The following HTRA1 variants were observed in gnomAD, a reference collection of about 807,000 sequenced individuals.
HTRA1 encodes HtrA serine peptidase 1, also known as serine protease HTRA1.
HTRA1 carries 26 observed loss-of-function variants against 49.7 expected under a neutral mutation model. That is an observed-to-expected ratio of 0.52 (90% CI 0.38 to 0.73). The LOEUF (loss-of-function observed/expected upper bound fraction) is 0.73, where lower values mean the gene tolerates loss of function less well. Ranked by LOEUF, HTRA1 falls within the 30% of genes least tolerant of loss-of-function variation. HTRA1 has a pLI of 0.00. For synonymous variants in HTRA1, 291 were observed against 286.9 expected (o/e 1.01, Z -0.14); for missense variants, 561 against 667.2 (o/e 0.84, Z 1.75).
At position 122,497,058 on chromosome 10, in the gene HTRA1, G is replaced by A. The variant is rs536767322; in HGVS notation, c.777+7432G>A. On this transcript the variant is annotated intron_variant, in intron 3 of 8. Coordinates refer to ENST00000368984, the MANE Select transcript of HTRA1 (RefSeq NM_002775.5). ...GCAGTTCCGTAGCTGGTTTCCTAAA[G>A]CCATCCAGATCTCTTTCTGTGGCAA... Among the ~76,000 whole-genome samples the A allele has an allele frequency of 1.8e-4, 27 of 152,300 alleles. No individual in the cohort carries two copies. The South Asian group carries it at 2.7e-3, about 15-fold the overall frequency.
intron 1 of HTRA1, among the ~76,000 whole-genome samples, chr10:122,486,712 G>A (rs957542211): frequency 6.6e-6 from 1 of 151,976 alleles, no homozygotes; most frequent in Non-Finnish European, 1.5e-5. Context: ...GCCTGGGGAA[G>A]GGTTGCCACT....
At chr10:122,462,146 C>T in intron 1 of HTRA1, 22 bp downstream of exon 1, 1 of 1,507,114 alleles carries the variant, frequency 6.6e-7, no homozygotes, top group Non-Finnish European at 8.9e-7. Context: ...CGCTCCTGGG[C>T]AGCTCCCCAC....
intron 5 of HTRA1, 111 bp from the exon 6 acceptor site, chr10:122,508,545 A>T: frequency 1.2e-6 from 1 of 813,996 alleles, no homozygotes; most frequent in East Asian, 2.5e-5. Flanking sequence ...GCATCTCCCC[A>T]CTTCGATCTC....
intron 1 of HTRA1, among the ~76,000 whole-genome samples, chr10:122,480,610 A>G (rs1393629243): frequency 6.6e-6 from 1 of 152,134 alleles, no homozygotes; most frequent in East Asian, 1.9e-4. Flanking sequence ...CATGTCCTAT[A>G]GGCATAGCTC....
chr10:122,463,982 C>A (rs1412003395), intron 1 of HTRA1, among the ~76,000 whole-genome samples: 2 of 152,208 alleles, frequency 1.3e-5, no homozygotes, highest in Non-Finnish European at 2.9e-5. Context: ...AAGAGGCTGG[C>A]TGTGCCCCGT....
chr10:122,497,396 A>C (rs2133443394), intron 3 of HTRA1, among the ~76,000 whole-genome samples: 1 of 152,368 alleles, frequency 6.6e-6, no homozygotes, highest in Middle Eastern at 3.4e-3. Flanking sequence ...TCTGAAAAGA[A>C]TGCTACATCC....
rs2133439065 is a variant in HTRA1 at position 122,490,023 on chromosome 10, T to G, written c.777+397T>G. 6.6e-6 allele frequency among the ~76,000 whole-genome samples: 1 copy of G among 152,262 alleles called. No homozygotes were observed. Among genetic ancestry groups the G allele is most frequent in the Admixed American group, 6.5e-5 (1 of 15,292 alleles). The stretch of plus-strand genomic sequence containing the variant: ...CACAATGAACATAGAATTTACTGGG[T>G]TTTAGACTGAGCCATCCTTAACTTG... On this transcript the variant is annotated intron_variant, in intron 3 of 8. Transcript: ENST00000368984. The surrounding 1 kb of genome is among the most constrained non-coding windows in gnomAD (Gnocchi z 4.2).
intron 1 of HTRA1, among the ~76,000 whole-genome samples, chr10:122,469,023 C>T (rs1265471332): frequency 6.6e-6 from 1 of 152,160 alleles, no homozygotes; most frequent in Non-Finnish European, 1.5e-5. Flanking sequence ...GCTGGTCCCT[C>T]GCCACAGGAT....
chr10:122,512,054 C>T lies in HTRA1; in HGVS notation c.1263C>T (p.Thr421=), dbSNP rs765723570. The T allele has an allele frequency of 2.5e-6, 4 of 1,609,758 alleles. No individual in the cohort carries two copies. The South Asian group carries it at 4.4e-5, about 18-fold the overall frequency. ...ATATAATTGAAGTAATTCCTGATAC[C>T]CCAGCAGAAGCGTGAGTTGGAGTCG... ...GAYIIEVIPD[T]PAEAGGLKEN... Residue 421 remains threonine, a synonymous_variant, in exon 8 of 9, where the codon ACC becomes ACT. Coordinates refer to ENST00000368984, the MANE Select transcript of HTRA1 (RefSeq NM_002775.5).
At chr10:122,468,700 G>A (rs1436917430) in intron 1 of HTRA1, among the ~76,000 whole-genome samples, 1 of 152,144 alleles carries the variant, frequency 6.6e-6, no homozygotes, top group African/African-American at 2.4e-5. Flanking sequence ...ACCAGTGTGT[G>A]GCTTCTCTTG....
chr10:122,462,025 A>T lies in HTRA1; in HGVS notation c.373A>T (p.Thr125Ser). The change falls in exon 1 of 9, where the codon ACC (threonine) becomes TCC (serine). Residue 125 changes from threonine to serine, a missense_variant. By Grantham distance (58) the Thr-to-Ser change is moderately conservative (BLOSUM62 1). Transcript: ENST00000368984. ...SEPVCGSDAN[T>S]YANLCQLRAA... ...GCCGGTGTGCGGCAGCGACGCCAAC[A>T]CCTACGCCAACCTGTGCCAGCTGCG... The T allele has an allele frequency of 6.5e-7, 1 of 1,532,210 alleles. No individual in the cohort carries two copies. The highest frequency in any genetic ancestry group is 1.2e-5 in the South Asian group (1 of 83,848). The allele number at this position is 1,532,210 out of a possible 1,614,324, so 94.9% of individuals were successfully genotyped here. A position where few individuals can be genotyped will look rare whatever the true frequency, so the allele number is the denominator to read the frequency against.
In HTRA1 at chr10:122,461,835, G is replaced by C. The variant is rs1192436309; in HGVS notation, c.183G>C (p.Ala61=). 4.4e-6 allele frequency: 5 copies of C among 1,134,638 alleles called. No homozygotes were observed. The African/African-American group carries it at 8.3e-5, about 19-fold the overall frequency. The allele number at this position is 1,134,638 out of a possible 1,614,324, so 70.3% of individuals were successfully genotyped here. Residue 61 remains alanine, a synonymous_variant, in exon 1 of 9, where the codon GCG becomes GCC. Coordinates refer to ENST00000368984, the MANE Select transcript of HTRA1 (RefSeq NM_002775.5). The part of the protein sequence containing the change: ...EHCEGGRARD[A]CGCCEVCGAP... Reference sequence around the variant, plus strand: ...GCGAGGGCGGCCGGGCCCGGGACGCGTGCGGCTGCTGCGAGGTGTGCGGCG... The same window carrying C: ...GCGAGGGCGGCCGGGCCCGGGACGCCTGCGGCTGCTGCGAGGTGTGCGGCG...
At chr10:122,488,222 T>C (rs982108781) in intron 1 of HTRA1, among the ~76,000 whole-genome samples, 1 of 152,110 alleles carries the variant, frequency 6.6e-6, no homozygotes, top group African/African-American at 2.4e-5. Context: ...TGCTTCTTTG[T>C]AATGGTGGGG....
chr10:122,485,572 G>A (rs941420812), intron 1 of HTRA1, among the ~76,000 whole-genome samples: 3 of 152,196 alleles, frequency 2.0e-5, no homozygotes, highest in Non-Finnish European at 4.4e-5. Flanking sequence ...GTGGACTGAG[G>A]CTGGAACTGG....
chr10:122,482,549 T>G (rs2097491448), intron 1 of HTRA1, among the ~76,000 whole-genome samples: 1 of 152,166 alleles, frequency 6.6e-6, no homozygotes. Flanking sequence ...GATTTTGGCT[T>G]CTTCCTGCCT....
chr10:122,509,612 A>G (rs1165889588), intron 6 of HTRA1, among the ~76,000 whole-genome samples: 5 of 152,186 alleles, frequency 3.3e-5, no homozygotes, highest in Admixed American at 2.0e-4. Context: ...GTTGCATCCT[A>G]ACGACATTTA....
intron 1 of HTRA1, among the ~76,000 whole-genome samples, chr10:122,475,723 C>A (rs758572033): frequency 6.6e-6 from 1 of 152,190 alleles, no homozygotes; most frequent in Non-Finnish European, 1.5e-5. Flanking sequence ...TTGCAGAATT[C>A]GAGGAAATCC....
At chr10:122,462,256 C>T (rs2097481808) in intron 1 of HTRA1, 132 bp downstream of exon 1, 2 of 796,400 alleles carry the variant, frequency 2.5e-6, no homozygotes, top group East Asian at 5.8e-5. Context: ...CGGGGACAGG[C>T]AGGTGGGCCC....
intron 3 of HTRA1, among the ~76,000 whole-genome samples, chr10:122,492,770 G>A (rs552963525): frequency 6.2e-4 from 94 of 152,262 alleles, no homozygotes; most frequent in African/African-American, 2.0e-3. Context: ...ATCGGACAGC[G>A]TAGGTGGGAC....
Sources: allele counts gnomAD v4.1 joint callset (sites outside exome capture counted in the v4.1 genomes callset), GRCh38; gene constraint gnomAD v4.1.1; non-coding constraint Gnocchi (gnomAD v3.1); transcripts MANE v1.5; gene names NCBI Gene and HGNC (gene_info 2026-07-23, HGNC 2026-07-21).